The following ROCK1 variants were observed in gnomAD, a reference collection of about 807,000 sequenced individuals.
ROCK1 encodes the protein Rho associated coiled-coil containing protein kinase 1.
A neutral mutation model predicts 196.8 loss-of-function variants in ROCK1; 36 were observed. That is an observed-to-expected ratio of 0.18 (90% CI 0.14 to 0.24). The LOEUF (loss-of-function observed/expected upper bound fraction) is 0.24. Ranked by LOEUF, ROCK1 falls within the 10% of genes least tolerant of loss-of-function variation. The probability of loss-of-function intolerance (pLI) is 1.00; values close to 1 mark genes in which losing one functional copy is unlikely to be tolerated. For missense variants in ROCK1, 920 were observed against 1,562.0 expected (o/e 0.59, Z 6.93); for synonymous variants, 443 against 515.9 (o/e 0.86, Z 1.91).
At chr18:21,078,041 C>A (rs1465851588) in intron 1 of ROCK1, among the ~76,000 whole-genome samples, 1 of 152,056 alleles carries the variant, frequency 6.6e-6, no homozygotes. Context: ...CAATAAAAAA[C>A]AAACTGGCCA....
rs779527094 is a variant in ROCK1 at position 21,006,383 on chromosome 18, C to T, written c.1853G>A (p.Gly618Asp). Residue 618 changes from glycine to aspartate, a missense_variant, in exon 16 of 33, where the codon GGT becomes GAT. Around this residue, in one of 6 missense-constraint regions of ROCK1, gnomAD observed 520 missense variants for 657.1 expected, o/e 0.79. Transcript: ENST00000399799. ...AILEAERRDR[G>D]HDSEMIGDLQ... is the part of the protein sequence containing the mutation. ...GTCTCCAATCATCTCAGAATCATGA[C>T]CTCTGTCTCTTCGTTCAGCTTCTAA... 1 of 1,613,052 alleles carries T rather than the reference C, an allele frequency of 6.2e-7. No homozygotes were observed. Among genetic ancestry groups the T allele is most frequent in the Non-Finnish European group, 8.5e-7 (1 of 1,179,908 alleles).
At chr18:21,058,055 T>C (rs1370360428) in intron 2 of ROCK1, among the ~76,000 whole-genome samples, 1 of 152,170 alleles carries the variant, frequency 6.6e-6, no homozygotes, top group Non-Finnish European at 1.5e-5. Flanking sequence ...GCATATAATG[T>C]TGTGCAAAGA....
intron 29 of ROCK1, among the ~76,000 whole-genome samples, chr18:20,958,061 A>G (rs1380999529): frequency 1.3e-5 from 2 of 152,218 alleles, no homozygotes; most frequent in Non-Finnish European, 2.9e-5. Context: ...TATGAACTTT[A>G]TTGTGGGAAA....
intron 6 of ROCK1, among the ~76,000 whole-genome samples, chr18:21,043,583 TATATAC>T (rs2036128901): frequency 6.7e-6 from 1 of 148,228 alleles, no homozygotes; most frequent in Non-Finnish European, 1.5e-5. Context: ...AATGTATATG[TATATAC>T]ATATACATAA....
At chr18:21,043,430 T>C (rs2036125150) in intron 6 of ROCK1, among the ~76,000 whole-genome samples, 1 of 151,864 alleles carries the variant, frequency 6.6e-6, no homozygotes. Context: ...GAAGTTCTCA[T>C]GCAGTGTTTC....
At position 20,969,052 on chromosome 18, in the gene ROCK1, C is replaced by T. The variant is rs2035401063; in HGVS notation, c.2914+63G>A. The stretch of plus-strand genomic sequence containing the variant: ...CAGGTATCTTAGAAACCTAACACAA[C>T]ATAGGTAAAGATAAATCACTGAATT... On this transcript the variant is annotated intron_variant, in intron 24 of 32. Transcript: ENST00000399799. 2.7e-6 allele frequency: 3 copies of T among 1,119,420 alleles called. No individual in the cohort carries two copies. In the Admixed American group the frequency reaches 5.5e-5, roughly 21 times the overall value. The allele number at this position is 1,119,420 out of a possible 1,614,324, so 69.3% of individuals were successfully genotyped here.
At chr18:21,092,297 T>C (rs561531265) in intron 1 of ROCK1, among the ~76,000 whole-genome samples, 52 of 152,084 alleles carry the variant, frequency 3.4e-4, no homozygotes, top group Non-Finnish European at 1.8e-4. Context: ...CCAAACAAAA[T>C]AAAACAAAAC....
intron 12 of ROCK1, among the ~76,000 whole-genome samples, chr18:21,019,267 C>T (rs1233108879): frequency 2.0e-5 from 3 of 152,104 alleles, no homozygotes; most frequent in Admixed American, 6.5e-5. Flanking sequence ...AATTCTCATG[C>T]CTCAGCCTCC....
At chr18:20,985,122 G>A (rs1254319421) in intron 19 of ROCK1, among the ~76,000 whole-genome samples, 1 of 151,534 alleles carries the variant, frequency 6.6e-6, no homozygotes, top group Non-Finnish European at 1.5e-5. Context: ...GCCATTCCTG[G>A]GGGAACATTT....
At chr18:21,035,501 C>G (rs2036049147) in intron 9 of ROCK1, among the ~76,000 whole-genome samples, 1 of 152,102 alleles carries the variant, frequency 6.6e-6, no homozygotes, top group Non-Finnish European at 1.5e-5. Flanking sequence ...CTCTACAAAA[C>G]TAACTAATTA....
intron 23 of ROCK1, chr18:20,970,078 T>C: frequency 3.8e-6 from 1 of 260,956 alleles, no homozygotes; most frequent in Admixed American, 5.1e-5. Flanking sequence ...ATATGAAATA[T>C]AACTAATAAG....
chr18:21,061,427 T>TA (rs2036289768), intron 2 of ROCK1, among the ~76,000 whole-genome samples: 1 of 152,200 alleles, frequency 6.6e-6, no homozygotes, highest in Non-Finnish European at 1.5e-5. Context: ...CAAAAGGCTA[T>TA]ACACTGTATG....
chr18:21,060,905 T>G (rs1334582175), intron 2 of ROCK1, among the ~76,000 whole-genome samples: 1 of 150,662 alleles, frequency 6.6e-6, no homozygotes, highest in African/African-American at 2.4e-5. Flanking sequence ...TTACGGCAGC[T>G]TTATTCATAA....
intron 29 of ROCK1, among the ~76,000 whole-genome samples, chr18:20,958,804 T>C (rs76134061): frequency 0.29 from 40,303 of 137,694 alleles, 5,826 homozygotes; most frequent in Middle Eastern, 0.46. Context: ...ATAAATGCGA[T>C]GTAAACAGTT....
At chr18:21,044,401 A>T (rs180821811) in intron 5 of ROCK1, among the ~76,000 whole-genome samples, 73 of 152,304 alleles carry the variant, frequency 4.8e-4, no homozygotes, top group Non-Finnish European at 3.7e-4. Context: ...TTCCTTTTTT[A>T]AAAGTTTCAT....
At chr18:20,977,763 C>T (rs985298178) in intron 22 of ROCK1, among the ~76,000 whole-genome samples, 5 of 152,218 alleles carry the variant, frequency 3.3e-5, no homozygotes, top group African/African-American at 7.2e-5. Flanking sequence ...CCTCAGATCA[C>T]TGATTGGCTT....
intron 2 of ROCK1, among the ~76,000 whole-genome samples, chr18:21,063,870 A>T (rs934160081): frequency 6.6e-6 from 1 of 152,200 alleles, no homozygotes. Flanking sequence ...TCTTTGGTTT[A>T]TTATAACCAG....
At chr18:21,019,731 G>T (rs2035897182) in intron 12 of ROCK1, among the ~76,000 whole-genome samples, 1 of 151,534 alleles carries the variant, frequency 6.6e-6, no homozygotes, top group African/African-American at 2.4e-5. Context: ...CCGGGAGGCG[G>T]AGCTTGCAGT....
At chr18:21,070,478 G>C in intron 2 of ROCK1, 54 bp downstream of exon 2, 2 of 923,864 alleles carry the variant, frequency 2.2e-6, no homozygotes, top group Non-Finnish European at 3.4e-6. Flanking sequence ...AATGACATAA[G>C]TGAAAATGTA....
Sources: allele counts gnomAD v4.1 joint callset (sites outside exome capture counted in the v4.1 genomes callset), GRCh38; gene constraint gnomAD v4.1.1; regional missense constraint gnomAD v4.1.1; transcripts MANE v1.5; gene names NCBI Gene and HGNC (gene_info 2026-07-23, HGNC 2026-07-21).